The following THSD7B variants were observed in gnomAD, a reference collection of about 807,000 sequenced individuals.
THSD7B encodes thrombospondin type-1 domain-containing protein 7B.
Under a neutral mutation model 213.6 loss-of-function variants are expected in THSD7B, and 138 were observed. The ratio of observed to expected loss-of-function variants is 0.65; its 90% CI spans 0.56 to 0.74. The LOEUF is 0.74. Among genes scored for constraint, THSD7B ranks in the 30% least tolerant of loss-of-function variants. The pLI is 0.00. For missense variants in THSD7B, 1,931 were observed against 1,991.5 expected, an observed-to-expected ratio of 0.97 and a Z score of 0.58; for synonymous variants, 742 against 687.0, an observed-to-expected ratio of 1.08 and a Z score of -1.25.
chr2:137,249,500 C>G (rs775232111), intron 10 of THSD7B, among the ~76,000 whole-genome samples: 1 of 151,944 alleles, frequency 6.6e-6, no homozygotes, highest in South Asian at 2.1e-4. Context: ...TCAGTCCAGA[C>G]TCTTTCCTCT....
intron 2 of THSD7B, among the ~76,000 whole-genome samples, chr2:136,940,765 G>A (rs1263845698): frequency 6.9e-6 from 1 of 145,492 alleles, no homozygotes; most frequent in Non-Finnish European, 1.5e-5. Context: ...CCCATTCTTA[G>A]GAGGAAAATA....
chr2:137,656,870 A>T lies in THSD7B; in HGVS notation c.4180A>T (p.Thr1394Ser). 6.2e-7 allele frequency: 1 copy of T among 1,614,016 alleles called. No individual in the cohort carries two copies. Among genetic ancestry groups the T allele is most frequent in the Non-Finnish European group, 8.5e-7 (1 of 1,179,888 alleles). The change falls in exon 23 of 28, where the codon ACT becomes TCT. Residue 1394 changes from threonine to serine, a missense_variant. Coordinates refer to ENST00000409968, the MANE Select transcript of THSD7B (RefSeq NM_001316349.2). ...LTCIDGRSFETVGRQSRSRTF... is the reference protein window; with the variant it reads ...LTCIDGRSFESVGRQSRSRTF... ...CTGCATTGATGGAAGAAGCTTTGAG[A>T]CTGTGGGCCGCCAGTCTAGATCAAG...
At chr2:137,494,858 C>T (rs575227207) in intron 15 of THSD7B, among the ~76,000 whole-genome samples, 2 of 152,144 alleles carry the variant, frequency 1.3e-5, no homozygotes, top group African/African-American at 4.8e-5. Context: ...TACTTTCATT[C>T]TCATTCTGCC....
intron 14 of THSD7B, among the ~76,000 whole-genome samples, chr2:137,427,040 A>G (rs1334417885): frequency 6.6e-5 from 10 of 152,170 alleles, no homozygotes; most frequent in Non-Finnish European, 1.0e-4. Context: ...CAAGGATATG[A>G]AAAGTTGCTG....
At chr2:136,893,850 T>A (rs2105004498) in intron 2 of THSD7B, among the ~76,000 whole-genome samples, 1 of 152,352 alleles carries the variant, frequency 6.6e-6, no homozygotes, top group Middle Eastern at 3.4e-3. Context: ...ACATTTAACA[T>A]CACTCATACT....
chr2:137,409,605 C>T (rs1686603085), intron 13 of THSD7B, among the ~76,000 whole-genome samples: 1 of 152,208 alleles, frequency 6.6e-6, no homozygotes, highest in African/African-American at 2.4e-5. Context: ...TGATAATTAA[C>T]ACTCTTCAAA....
At chr2:137,187,077 A>C (rs1314459774) in intron 7 of THSD7B, among the ~76,000 whole-genome samples, 2 of 152,190 alleles carry the variant, frequency 1.3e-5, no homozygotes, top group African/African-American at 4.8e-5. Flanking sequence ...TGGGTAAAGA[A>C]AGTATAGATA....
intron 1 of THSD7B, among the ~76,000 whole-genome samples, chr2:136,806,093 T>A (rs556187893): frequency 6.6e-6 from 1 of 152,346 alleles, no homozygotes; most frequent in East Asian, 1.9e-4. Flanking sequence ...TGAGTCCAAA[T>A]ATAACTTGGC....
intron 7 of THSD7B, among the ~76,000 whole-genome samples, chr2:137,189,283 AG>A: frequency 6.6e-6 from 1 of 152,328 alleles, no homozygotes; most frequent in East Asian, 1.9e-4. Flanking sequence ...TCCCTATCAA[AG>A]GGTTTTCAAC....
At chr2:137,344,106 C>A (rs1684822075) in intron 12 of THSD7B, among the ~76,000 whole-genome samples, 1 of 151,666 alleles carries the variant, frequency 6.6e-6, no homozygotes, top group Non-Finnish European at 1.5e-5. Context: ...TTGTCAGCTG[C>A]ACATGAGAGG....
At chr2:137,645,376 C>A (rs1433581075) in intron 21 of THSD7B, among the ~76,000 whole-genome samples, 1 of 152,164 alleles carries the variant, frequency 6.6e-6, no homozygotes, top group African/African-American at 2.4e-5. Context: ...AACGAGAAAA[C>A]CTGTGCCATT....
At chr2:137,057,767 T>C (rs922768338) in intron 3 of THSD7B, among the ~76,000 whole-genome samples, 1 of 152,224 alleles carries the variant, frequency 6.6e-6, no homozygotes, top group Non-Finnish European at 1.5e-5. Context: ...AAGAGTGCTT[T>C]CTTTGGCGTT....
intron 1 of THSD7B, among the ~76,000 whole-genome samples, chr2:136,781,821 C>T (rs918316609): frequency 3.3e-5 from 5 of 152,238 alleles, no homozygotes; most frequent in African/African-American, 9.6e-5. Flanking sequence ...CCATGGCTCT[C>T]GCTACCCTTT....
intron 3 of THSD7B, among the ~76,000 whole-genome samples, chr2:137,089,183 C>A (rs559668021): frequency 1.3e-5 from 2 of 151,398 alleles, no homozygotes; most frequent in East Asian, 1.9e-4. Context: ...CAGCACAATT[C>A]GCAATTGCAA....
intron 12 of THSD7B, among the ~76,000 whole-genome samples, chr2:137,400,679 G>A (rs538342107): frequency 6.6e-6 from 1 of 152,282 alleles, no homozygotes; most frequent in South Asian, 2.1e-4. Flanking sequence ...GTTGTAAAGG[G>A]CTGTGTGGGC....
chr2:137,294,714 CTT>C (rs1211807036), intron 12 of THSD7B, among the ~76,000 whole-genome samples: 1 of 151,148 alleles, frequency 6.6e-6, no homozygotes, highest in East Asian at 1.9e-4. Context: ...ATAAATTAGA[CTT>C]TATCATAGGT....
At position 136,850,993 on chromosome 2, in the gene THSD7B, C is replaced by T. The variant is rs985319200; in HGVS notation, c.-35-31151C>T. On this transcript the variant is annotated intron_variant, in intron 1 of 27. Transcript: ENST00000409968. ...TCAGCTATTGGAAGATATTGCTGCA[C>T]GATTTTTTGTTGCTGATGAATACTC... Among the ~76,000 whole-genome samples the T allele has an allele frequency of 9.2e-5, 14 of 152,000 alleles. No individual in the cohort carries two copies. In the East Asian group the frequency reaches 1.7e-3, roughly 19 times the overall value.
At position 136,912,403 on chromosome 2, in the gene THSD7B, C is replaced by CA. The variant is rs529288028; in HGVS notation, c.139+30093dup. Among the ~76,000 whole-genome samples, 257 of 149,736 alleles carry CA rather than the reference C, an allele frequency of 1.7e-3. 1 individual carries two copies. The highest frequency in any genetic ancestry group is 6.1e-3 in the African/African-American group (248 of 40,634). ...GTGGTATGTGTGCGAGACTCCCTCT[C>CA]AAAAAAAGGAGGGAGAAACTAAAGG... On this transcript the variant is annotated intron_variant, in intron 2 of 27. Transcript: ENST00000409968.
chr2:136,918,348 CT>C (rs1684379681), intron 2 of THSD7B, among the ~76,000 whole-genome samples: 1 of 145,770 alleles, frequency 6.9e-6, no homozygotes, highest in East Asian at 2.1e-4. Flanking sequence ...TTCTCCACTC[CT>C]GGTTTCAGTG....
Sources: allele counts gnomAD v4.1 joint callset (sites outside exome capture counted in the v4.1 genomes callset), GRCh38; gene constraint gnomAD v4.1.1; transcripts MANE v1.5; gene names NCBI Gene and HGNC (gene_info 2026-07-23, HGNC 2026-07-21).